The following RAPGEF6 variants were observed in gnomAD, a reference collection of about 807,000 sequenced individuals.
The protein encoded by RAPGEF6 is PDZ domain containing guanine nucleotide exchange factor (GEF) 2.
A neutral mutation model predicts 171.4 loss-of-function variants in RAPGEF6; 56 were observed. That is an observed-to-expected ratio of 0.33 (90% CI 0.26 to 0.41). The LOEUF is 0.41. Among genes scored for constraint, RAPGEF6 ranks in the 10% least tolerant of loss-of-function variants. The probability of loss-of-function intolerance (pLI) is 1.00; values close to 1 mark genes in which losing one functional copy is unlikely to be tolerated. For synonymous variants in RAPGEF6, 692 were observed against 650.1 expected (o/e 1.06, Z -0.98); for missense variants, 1,674 against 1,921.4 (o/e 0.87, Z 2.41).
At chr5:131,444,649 A>G (rs552420058) in intron 22 of RAPGEF6, among the ~76,000 whole-genome samples, 3 of 152,318 alleles carry the variant, frequency 2.0e-5, no homozygotes, top group Admixed American at 2.0e-4. Flanking sequence ...AAAGGCCTAA[A>G]GATTTTCTCA....
intron 4 of RAPGEF6, among the ~76,000 whole-genome samples, chr5:131,585,598 G>A (rs915911553): frequency 2.0e-5 from 3 of 152,208 alleles, no homozygotes; most frequent in Non-Finnish European, 4.4e-5. Context: ...GGCCGAGGTG[G>A]ATGGATCACC....
intron 6 of RAPGEF6, among the ~76,000 whole-genome samples, chr5:131,545,606 A>G (rs942924675): frequency 2.6e-5 from 4 of 152,212 alleles, no homozygotes; most frequent in African/African-American, 9.6e-5. Context: ...ACCTAGACCA[A>G]CTGCCAATAT....
intron 16 of RAPGEF6, among the ~76,000 whole-genome samples, chr5:131,476,641 C>T (rs564416477): frequency 6.6e-5 from 10 of 152,112 alleles, no homozygotes; most frequent in African/African-American, 2.2e-4. Flanking sequence ...TTGTAGTTCT[C>T]TTGCCTCAGC....
chr5:131,635,022 T>C lies in RAPGEF6; in HGVS notation c.9A>G (p.Ser3=), dbSNP rs1454263250. MN[S]PVDPGARQAL... ...CCTGCCTAGCGCCAGGGTCCACGGG[T>C]GAGTTCATGGCCACGGCCCGGGTAC... Residue 3 remains serine (S), a synonymous_variant, in exon 1 of 28, where the codon TCA becomes TCG. Coordinates refer to ENST00000509018, the MANE Select transcript of RAPGEF6 (RefSeq NM_016340.6). 3 of 1,611,122 alleles carry C rather than the reference T, an allele frequency of 1.9e-6. No homozygotes were observed. The highest frequency in any genetic ancestry group is 2.5e-6 in the Non-Finnish European group (3 of 1,177,804).
intron 6 of RAPGEF6, among the ~76,000 whole-genome samples, chr5:131,522,767 G>A (rs917004680): frequency 1.3e-5 from 2 of 152,158 alleles, no homozygotes; most frequent in Admixed American, 6.6e-5. Context: ...ACCTGTGACA[G>A]CCACTGGCTA....
chr5:131,553,873 T>A (rs1225932695), intron 5 of RAPGEF6, among the ~76,000 whole-genome samples: 1 of 149,596 alleles, frequency 6.7e-6, no homozygotes. Context: ...CAGCACAAAG[T>A]CATCATGAAG....
Position 131,615,771 on chromosome 5 carries a change from G to A in RAPGEF6, c.70-11078C>T, listed in dbSNP as rs185333942. On this transcript the variant is annotated intron_variant, in intron 1 of 27. Transcript: ENST00000509018. ...AAAAAAATTAGCTGGGCATGGTGGC[G>A]CACACCTGTAGTCCCAGCTACTTGG... is the stretch of plus-strand genomic sequence containing the variant. Among the ~76,000 whole-genome samples the A allele has an allele frequency of 1.8e-4, 28 of 152,124 alleles. No individual in the cohort carries two copies. In the East Asian group the frequency reaches 2.3e-3, roughly 13 times the overall value.
intron 3 of RAPGEF6, among the ~76,000 whole-genome samples, chr5:131,601,481 C>T (rs1170945016): frequency 2.0e-5 from 3 of 151,114 alleles, no homozygotes; most frequent in Non-Finnish European, 4.4e-5. Context: ...TCAAAAATAA[C>T]TTTTACAAAT....
intron 15 of RAPGEF6, among the ~76,000 whole-genome samples, chr5:131,486,850 G>A: frequency 6.6e-6 from 1 of 150,918 alleles, no homozygotes; most frequent in East Asian, 1.9e-4. Flanking sequence ...ATTGCTCTGT[G>A]CAGCGTCCTA....
chr5:131,603,402 T>C, intron 2 of RAPGEF6, 75 bp from the exon 3 acceptor site: 1 of 927,300 alleles, frequency 1.1e-6, no homozygotes, highest in Non-Finnish European at 1.7e-6. Flanking sequence ...CTCAACTAAT[T>C]ATTATAATCT....
chr5:131,474,635 A>G (rs1754977147), intron 16 of RAPGEF6, among the ~76,000 whole-genome samples: 1 of 152,182 alleles, frequency 6.6e-6, no homozygotes, highest in Non-Finnish European at 1.5e-5. Flanking sequence ...CTCATTTGAT[A>G]AATAATTTGC....
At chr5:131,532,272 A>T (rs1759441614) in intron 6 of RAPGEF6, 2 of 270,358 alleles carry the variant, frequency 7.4e-6, no homozygotes, top group Admixed American at 1.0e-4. Context: ...GTTTATATAA[A>T]GGCAGCCTCT....
intron 4 of RAPGEF6, among the ~76,000 whole-genome samples, chr5:131,572,571 GATGCCTGCTTTGGCTGATC>G (rs1371098574): frequency 3.3e-5 from 5 of 152,104 alleles, no homozygotes; most frequent in South Asian, 4.1e-4. Context: ...CAACTGTGGA[GATGCCTGCTTTGGCTGATC>G]ATGCCTGCTT....
rs1487539606 is a variant in RAPGEF6 at position 131,433,440 on chromosome 5, G to A, written c.3964C>T (p.His1322Tyr). Residue 1322 changes from histidine (H) to tyrosine (Y), a missense_variant, in exon 25 of 28, where the codon CAT becomes TAT. His to Tyr is a moderately conservative substitution (Grantham distance 83). Transcript: ENST00000509018. ...HASGIGDHSQ[H>Y]GPGWTLLKPS... ...GACAATGATGCTTACCCAGGGCCAT[G>A]TTGACTATGATCTCCTATCCCTGAA... is the stretch of plus-strand genomic sequence containing the variant. 1 of 1,610,440 alleles carries A rather than the reference G, an allele frequency of 6.2e-7. No individual in the cohort carries two copies. Among genetic ancestry groups the A allele is most frequent in the Admixed American group, 1.7e-5 (1 of 59,994 alleles).
At chr5:131,545,491 G>C (rs10515454) in intron 6 of RAPGEF6, among the ~76,000 whole-genome samples, 9,899 of 151,822 alleles carry the variant, frequency 0.065, 769 homozygotes, top group African/African-American at 0.19. Flanking sequence ...CTGAATTGCT[G>C]ACAATAGAAC....
chr5:131,436,258 C>T, intron 24 of RAPGEF6: 1 of 1,537,554 alleles, frequency 6.5e-7, no homozygotes, highest in Non-Finnish European at 8.7e-7. Flanking sequence ...CTTCTCAGTA[C>T]TGTCTGTTCT....
intron 4 of RAPGEF6, among the ~76,000 whole-genome samples, chr5:131,582,122 T>C (rs1031408725): frequency 2.0e-5 from 3 of 152,198 alleles, no homozygotes; most frequent in Admixed American, 6.5e-5. Flanking sequence ...AGTGAATAAA[T>C]AGCCTTGTTG....
chr5:131,549,141 T>C (rs1442340163), intron 5 of RAPGEF6, among the ~76,000 whole-genome samples: 1 of 152,168 alleles, frequency 6.6e-6, no homozygotes, highest in African/African-American at 2.4e-5. Context: ...ATGCCACTGA[T>C]ACAAGACTGC....
chr5:131,610,507 C>CT (rs1764872357), intron 1 of RAPGEF6, among the ~76,000 whole-genome samples: 1 of 152,166 alleles, frequency 6.6e-6, no homozygotes, highest in African/African-American at 2.4e-5. Context: ...TTGGTTATTC[C>CT]TTTACCTCAC....
Sources: gnomAD v4.1 joint callset for allele counts (sites outside exome capture counted in the v4.1 genomes callset) on GRCh38, gnomAD v4.1.1 for gene constraint, MANE v1.5 for transcripts, NCBI Gene and HGNC (gene_info 2026-07-23, HGNC 2026-07-21) for gene names.